CNTN4: variants seen among roughly 807,000 people sequenced by gnomAD.
The protein encoded by CNTN4 is contactin-4.
CNTN4 carries 77 observed loss-of-function variants against 122.5 expected under a neutral mutation model. The observed-to-expected ratio is 0.63, with a 90% CI of 0.52 to 0.76. CNTN4 has a LOEUF of 0.76. Ranked by LOEUF, CNTN4 falls within the 30% of genes least tolerant of loss-of-function variation. CNTN4 has a pLI of 0.00. For missense variants in CNTN4, 1,256 were observed against 1,259.1 expected (o/e 1.00, Z 0.04); for synonymous variants, 512 against 447.0 (o/e 1.15, Z -1.83).
chr3:2,487,651 A>G (rs1430780378), intron 3 of CNTN4, among the ~76,000 whole-genome samples: 1 of 152,132 alleles, frequency 6.6e-6, no homozygotes, highest in East Asian at 1.9e-4. Flanking sequence ...TTTGTTTTGT[A>G]TGAGAGATTG....
rs560357365 is a variant in CNTN4 at position 2,602,279 on chromosome 3, A to G, written c.55+30721A>G. 1.4e-4 allele frequency among the ~76,000 whole-genome samples: 22 copies of G among 152,298 alleles called. No individual in the cohort carries two copies. The South Asian group carries it at 1.9e-3, about 13-fold the overall frequency. Reference sequence around the variant, plus strand: ...AGGAGAAAGAAATAAAGGGTATTCAATTAGGAAAAGATGTAGTCAAATTGT... The same window carrying G: ...AGGAGAAAGAAATAAAGGGTATTCAGTTAGGAAAAGATGTAGTCAAATTGT... On this transcript the variant is annotated intron_variant, in intron 4 of 24. Transcript: ENST00000418658.
chr3:2,214,625 T>C (rs535068782), intron 2 of CNTN4, among the ~76,000 whole-genome samples: 2 of 152,200 alleles, frequency 1.3e-5, no homozygotes, highest in African/African-American at 4.8e-5. Flanking sequence ...AAAGTACAAT[T>C]TGACAACAAA....
intron 3 of CNTN4, among the ~76,000 whole-genome samples, chr3:2,378,301 T>C (rs2045896587): frequency 6.6e-6 from 1 of 152,194 alleles, no homozygotes; most frequent in African/African-American, 2.4e-5. Flanking sequence ...CCTTCCCAAA[T>C]TCTGGACATC....
intron 14 of CNTN4, among the ~76,000 whole-genome samples, chr3:2,998,628 T>C (rs556365471): frequency 2.0e-5 from 3 of 152,014 alleles, no homozygotes; most frequent in Non-Finnish European, 2.9e-5. Context: ...AATTGAAATA[T>C]GAGTAAGAGT....
intron 17 of CNTN4, among the ~76,000 whole-genome samples, chr3:3,036,565 G>A (rs1699623037): frequency 6.6e-6 from 1 of 151,622 alleles, no homozygotes; most frequent in Non-Finnish European, 1.5e-5. Flanking sequence ...GAGTTTGAGA[G>A]CAGTCTGGGA....
chr3:3,040,391 A>C (rs1700044585), intron 20 of CNTN4, 120 bp downstream of exon 20: 1 of 780,930 alleles, frequency 1.3e-6, no homozygotes, highest in Admixed American at 2.0e-5. Context: ...ACCTGATTTG[A>C]GAAGAGGATA....
At chr3:2,317,845 C>T (rs1042684203) in intron 2 of CNTN4, among the ~76,000 whole-genome samples, 4 of 152,148 alleles carry the variant, frequency 2.6e-5, no homozygotes, top group African/African-American at 7.2e-5. Context: ...AGCTGGCATC[C>T]CTTTTTTTCT....
chr3:2,854,886 CT>C (rs1412944392), intron 7 of CNTN4, among the ~76,000 whole-genome samples: 5 of 152,166 alleles, frequency 3.3e-5, no homozygotes, highest in Admixed American at 6.5e-5. Context: ...ATTGAATCCT[CT>C]TTTTTCTTTC....
chr3:3,017,634 C>T (rs1448014180), intron 14 of CNTN4, among the ~76,000 whole-genome samples: 1 of 152,178 alleles, frequency 6.6e-6, no homozygotes, highest in Non-Finnish European at 1.5e-5. Context: ...AAGAGTCAGA[C>T]CTGTACAGTA....
At chr3:2,191,984 G>T (rs1214630211) in intron 2 of CNTN4, among the ~76,000 whole-genome samples, 1 of 151,792 alleles carries the variant, frequency 6.6e-6, no homozygotes, top group Non-Finnish European at 1.5e-5. Context: ...GCGGTGTTTG[G>T]TTTTTTGTCC....
intron 4 of CNTN4, among the ~76,000 whole-genome samples, chr3:2,653,315 T>A (rs995636675): frequency 6.6e-6 from 1 of 152,310 alleles, no homozygotes; most frequent in Middle Eastern, 3.4e-3. Context: ...AAACTACTAG[T>A]TTCTTAAGTA....
chr3:2,273,766 C>A (rs1242903371), intron 2 of CNTN4, among the ~76,000 whole-genome samples: 5 of 152,150 alleles, frequency 3.3e-5, no homozygotes, highest in African/African-American at 1.2e-4. Flanking sequence ...TATAGCATAA[C>A]ACACCTGGTA....
At chr3:2,599,621 C>A (rs139903599) in intron 4 of CNTN4, among the ~76,000 whole-genome samples, 2 of 152,278 alleles carry the variant, frequency 1.3e-5, no homozygotes, top group African/African-American at 4.8e-5. Context: ...TTCTGTATTA[C>A]GGCTATCTTT....
intron 12 of CNTN4, among the ~76,000 whole-genome samples, chr3:2,922,753 A>T (rs1353248330): frequency 6.6e-6 from 1 of 151,688 alleles, no homozygotes; most frequent in Non-Finnish European, 1.5e-5. Flanking sequence ...GTTGGATTAC[A>T]GAGGTGCAAC....
intron 13 of CNTN4, among the ~76,000 whole-genome samples, chr3:2,987,261 G>C (rs1334098972): frequency 6.6e-6 from 1 of 152,206 alleles, no homozygotes; most frequent in Non-Finnish European, 1.5e-5. Flanking sequence ...TTTTTAAAAA[G>C]CTAGATCCAT....
At chr3:2,814,264 G>A (rs1456867799) in intron 6 of CNTN4, among the ~76,000 whole-genome samples, 1 of 152,102 alleles carries the variant, frequency 6.6e-6, no homozygotes, top group African/African-American at 2.4e-5. Flanking sequence ...TGAAAGACAG[G>A]CTATTTTGAG....
At chr3:2,346,678 A>G (rs937376859) in intron 3 of CNTN4, among the ~76,000 whole-genome samples, 4 of 152,174 alleles carry the variant, frequency 2.6e-5, no homozygotes, top group Non-Finnish European at 4.4e-5. Context: ...CTTTATTACT[A>G]CAGATAATGA....
At chr3:2,287,675 A>AGAG (rs1341793410) in intron 2 of CNTN4, among the ~76,000 whole-genome samples, 59 of 80,056 alleles carry the variant, frequency 7.4e-4, no homozygotes, top group South Asian at 1.1e-3. Flanking sequence ...AAGAAGAAGA[A>AGAG]GAAGAAGAAG....
At chr3:2,309,116 C>A (rs1153484) in intron 2 of CNTN4, among the ~76,000 whole-genome samples, 1 of 151,854 alleles carries the variant, frequency 6.6e-6, no homozygotes, top group East Asian at 1.9e-4. Context: ...CTATCAGTTT[C>A]CCTTCCTCTA....
Sources: allele counts gnomAD v4.1 joint callset (sites outside exome capture counted in the v4.1 genomes callset), GRCh38; gene constraint gnomAD v4.1.1; transcripts MANE v1.5; gene names NCBI Gene and HGNC (gene_info 2026-07-23, HGNC 2026-07-21).